The following DLG2 variants were observed in gnomAD, a reference collection of about 807,000 sequenced individuals.
DLG2 encodes discs large MAGUK scaffold protein 2.
DLG2 carries 45 observed loss-of-function variants against 132.5 expected under a neutral mutation model. That is an observed-to-expected ratio of 0.34 (90% confidence interval 0.27 to 0.44). The LOEUF is 0.44. Ranked by LOEUF, DLG2 falls within the 20% of genes least tolerant of loss-of-function variation. DLG2 has a pLI of 1.00. For missense variants in DLG2, 1,045 were observed against 1,196.9 expected, an observed-to-expected ratio of 0.87 and a Z score of 1.87; for synonymous variants, 424 against 419.6, an observed-to-expected ratio of 1.01 and a Z score of -0.13.
intron 6 of DLG2, among the ~76,000 whole-genome samples, chr11:84,851,369 C>T (rs2082144073): frequency 6.6e-6 from 1 of 151,952 alleles, no homozygotes; most frequent in Non-Finnish European, 1.5e-5. Flanking sequence ...GAGTATATGA[C>T]CTGTAATACA....
intron 21 of DLG2, among the ~76,000 whole-genome samples, chr11:83,513,711 T>C (rs2095162387): frequency 6.6e-6 from 1 of 152,204 alleles, no homozygotes; most frequent in Admixed American, 6.5e-5. Context: ...TTGTATGAGG[T>C]GTAAGGAAGG....
chr11:84,692,768 C>G (rs2058192776), intron 6 of DLG2, among the ~76,000 whole-genome samples: 1 of 151,502 alleles, frequency 6.6e-6, no homozygotes, highest in Non-Finnish European at 1.5e-5. Context: ...TAAAATGGCT[C>G]AAATCACCTG....
chr11:84,144,406 G>C (rs2094984185), intron 9 of DLG2, among the ~76,000 whole-genome samples: 1 of 152,030 alleles, frequency 6.6e-6, no homozygotes, highest in Non-Finnish European at 1.5e-5. Context: ...CATAGAGAAG[G>C]GTGGGCTTCT....
intron 18 of DLG2, among the ~76,000 whole-genome samples, chr11:83,729,854 T>C (rs778875212): frequency 5.9e-5 from 9 of 152,188 alleles, no homozygotes; most frequent in Non-Finnish European, 1.0e-4. Flanking sequence ...TAAATGAACA[T>C]ATGACCATTA....
At chr11:84,832,512 T>C (rs2079172657) in intron 6 of DLG2, among the ~76,000 whole-genome samples, 1 of 151,580 alleles carries the variant, frequency 6.6e-6, no homozygotes, top group African/African-American at 2.4e-5. Flanking sequence ...CACGGAAAAG[T>C]GCAGAGGAAG....
At chr11:84,143,196 A>G (rs1178082193) in intron 9 of DLG2, among the ~76,000 whole-genome samples, 1 of 152,104 alleles carries the variant, frequency 6.6e-6, no homozygotes, top group African/African-American at 2.4e-5. Flanking sequence ...TATAAAAGGT[A>G]GGCACATGTG....
At chr11:84,774,814 C>T in intron 6 of DLG2, among the ~76,000 whole-genome samples, 1 of 152,124 alleles carries the variant, frequency 6.6e-6, no homozygotes, top group East Asian at 1.9e-4. Context: ...AAATGTAAGA[C>T]CTTAAACTCT....
At chr11:85,333,970 CCTT>C (rs770734995) in intron 3 of DLG2, among the ~76,000 whole-genome samples, 3 of 151,926 alleles carry the variant, frequency 2.0e-5, no homozygotes, top group African/African-American at 4.8e-5. Context: ...GAGGAGTCCT[CCTT>C]CTTGCTTCTC....
chr11:85,559,157 T>TA (rs1253713202), intron 3 of DLG2, among the ~76,000 whole-genome samples: 14 of 142,546 alleles, frequency 9.8e-5, no homozygotes, highest in African/African-American at 2.1e-4. Context: ...TTATTATTAT[T>TA]TTTTTTTTTT....
At chr11:84,966,423 C>G (rs972149480) in intron 6 of DLG2, among the ~76,000 whole-genome samples, 12 of 152,012 alleles carry the variant, frequency 7.9e-5, no homozygotes, top group Admixed American at 7.9e-4. Flanking sequence ...GATTCAAAAC[C>G]ATCACAGAAA....
Position 84,704,815 on chromosome 11 carries a change from A to G in DLG2, c.358-170084T>C, listed in dbSNP as rs760066137. ...GTTCTTCTAGACAGAAACCCTGATTAAAGTTGAATCTACAGGTAGTAACTA... is the reference window on the plus strand; with the variant it reads ...GTTCTTCTAGACAGAAACCCTGATTGAAGTTGAATCTACAGGTAGTAACTA... On this transcript the variant is annotated intron_variant, in intron 6 of 27. Transcript: ENST00000376104. 1.7e-3 allele frequency among the ~76,000 whole-genome samples: 250 copies of G among 150,956 alleles called. 3 individuals are homozygous for G. Among genetic ancestry groups the G allele is most frequent in the Non-Finnish European group, 1.9e-3 (128 of 67,586 alleles).
intron 7 of DLG2, among the ~76,000 whole-genome samples, chr11:84,308,603 C>T (rs1365168698): frequency 2.6e-5 from 4 of 152,148 alleles, no homozygotes; most frequent in Non-Finnish European, 4.4e-5. Flanking sequence ...GAGCAGGGGG[C>T]GGCGCTGGTA....
intron 16 of DLG2, among the ~76,000 whole-genome samples, chr11:83,836,108 GA>G: frequency 6.6e-6 from 1 of 152,292 alleles, no homozygotes; most frequent in East Asian, 1.9e-4. Context: ...GAAGACTGCT[GA>G]TGTCCCAGCT....
intron 6 of DLG2, among the ~76,000 whole-genome samples, chr11:84,887,949 A>G (rs1227576884): frequency 6.6e-6 from 1 of 152,138 alleles, no homozygotes; most frequent in Non-Finnish European, 1.5e-5. Context: ...AGCTCCTCAT[A>G]CCAATTCATT....
chr11:84,653,757 A>AAAATGTCTC, intron 6 of DLG2, among the ~76,000 whole-genome samples: 1 of 152,332 alleles, frequency 6.6e-6, no homozygotes, highest in Non-Finnish European at 1.5e-5. Flanking sequence ...GGGTCTCAGG[A>AAAATGTCTC]AAATGTCTCC....
intron 3 of DLG2, among the ~76,000 whole-genome samples, chr11:85,384,416 A>T (rs1053778807): frequency 6.6e-6 from 1 of 152,188 alleles, no homozygotes; most frequent in African/African-American, 2.4e-5. Flanking sequence ...GTCTTCAAAG[A>T]TGGTTCATTG....
intron 6 of DLG2, among the ~76,000 whole-genome samples, chr11:85,100,539 C>G (rs1029967433): frequency 3.3e-5 from 5 of 152,066 alleles, no homozygotes; most frequent in Admixed American, 6.6e-5. Flanking sequence ...TAAGTGATGG[C>G]CGAAAAGATC....
intron 6 of DLG2, among the ~76,000 whole-genome samples, chr11:84,597,287 G>A (rs2099563684): frequency 6.6e-6 from 1 of 152,100 alleles, no homozygotes. Context: ...GTCTAACTGC[G>A]AAGACAGCAA....
chr11:85,058,160 C>A (rs2063658844), intron 6 of DLG2, among the ~76,000 whole-genome samples: 1 of 151,386 alleles, frequency 6.6e-6, no homozygotes, highest in Non-Finnish European at 1.5e-5. Context: ...CCAAAAGAAT[C>A]TATAGACGAA....
Sources: gnomAD v4.1 joint callset for allele counts (sites outside exome capture counted in the v4.1 genomes callset) on GRCh38, gnomAD v4.1.1 for gene constraint, MANE v1.5 for transcripts, NCBI Gene and HGNC (gene_info 2026-07-23, HGNC 2026-07-21) for gene names.